PTGER3: variants seen among roughly 807,000 people sequenced by gnomAD.
PTGER3 encodes the protein prostaglandin E receptor 3.
In PTGER3, 22 loss-of-function variants were observed where a neutral mutation model predicts 34.7. That is an observed-to-expected ratio of 0.63 (90% CI 0.45 to 0.91). The LOEUF is 0.91. Ranked by LOEUF, PTGER3 falls within the 40% of genes least tolerant of loss-of-function variation. The pLI is 0.00. For missense variants in PTGER3, 468 were observed against 519.4 expected, an observed-to-expected ratio of 0.90 and a Z score of 0.96; for synonymous variants, 241 against 230.1, an observed-to-expected ratio of 1.05 and a Z score of -0.43.
chr1:70,972,383 G>A (rs1430066608), intron 3 of PTGER3, among the ~76,000 whole-genome samples: 1 of 152,050 alleles, frequency 6.6e-6, no homozygotes, highest in Non-Finnish European at 1.5e-5. Context: ...ATAGTACACA[G>A]TGCCAATTAG....
intron 2 of PTGER3, among the ~76,000 whole-genome samples, chr1:70,996,263 T>C (rs1051319347): frequency 1.3e-5 from 2 of 152,080 alleles, no homozygotes; most frequent in African/African-American, 4.8e-5. Context: ...AAGAATTAGG[T>C]TGAATAGTTA....
intron 4 of PTGER3, among the ~76,000 whole-genome samples, chr1:70,928,655 G>A (rs1572674883): frequency 6.6e-6 from 1 of 151,908 alleles, no homozygotes; most frequent in Non-Finnish European, 1.5e-5. Context: ...AACAAAAAAC[G>A]AAGGATATGC....
intron 4 of PTGER3, among the ~76,000 whole-genome samples, chr1:70,928,248 T>C (rs1016381037): frequency 1.0e-4 from 15 of 150,486 alleles, no homozygotes; most frequent in African/African-American, 3.6e-4. Flanking sequence ...GGCTGAAAAC[T>C]ACTGCCTTGT....
intron 2 of PTGER3, among the ~76,000 whole-genome samples, chr1:70,980,534 C>T (rs1445499201): frequency 1.3e-5 from 2 of 151,978 alleles, no homozygotes; most frequent in African/African-American, 4.8e-5. Context: ...GAGACCTAGG[C>T]AGGAGGATTC....
intron 1 of PTGER3, among the ~76,000 whole-genome samples, chr1:71,032,430 A>G (rs745967899): frequency 5.3e-5 from 8 of 152,258 alleles, no homozygotes; most frequent in Non-Finnish European, 1.0e-4. Context: ...CTTCAAGATG[A>G]TGTATTCAGT....
At chr1:70,996,506 A>G (rs1655953097) in intron 2 of PTGER3, among the ~76,000 whole-genome samples, 1 of 151,816 alleles carries the variant, frequency 6.6e-6, no homozygotes, top group Non-Finnish European at 1.5e-5. Context: ...TCCCTCTGTC[A>G]CCCAGGCTGA....
chr1:70,916,467 C>T (rs1230813815), intron 4 of PTGER3, among the ~76,000 whole-genome samples: 3 of 151,992 alleles, frequency 2.0e-5, no homozygotes, highest in African/African-American at 7.2e-5. Flanking sequence ...ACAGCAAAGA[C>T]ATAGAATCAA....
chr1:71,036,453 G>A (rs1659831019), intron 1 of PTGER3, among the ~76,000 whole-genome samples: 1 of 152,128 alleles, frequency 6.6e-6, no homozygotes, highest in South Asian at 2.1e-4. Context: ...ATAGTTCAAG[G>A]CTGCAGTGAG....
chr1:70,876,086 A>G (rs750400074), intron 4 of PTGER3, among the ~76,000 whole-genome samples: 171 of 151,974 alleles, frequency 1.1e-3, no homozygotes, highest in Non-Finnish European at 1.7e-3. Flanking sequence ...TTTCTCCACA[A>G]CCTTGCCAGC....
At chr1:70,990,992 T>A (rs910613397) in intron 2 of PTGER3, among the ~76,000 whole-genome samples, 1 of 152,212 alleles carries the variant, frequency 6.6e-6, no homozygotes, top group Non-Finnish European at 1.5e-5. Context: ...AGAACTGCCT[T>A]CTGAACGTCA....
At chr1:71,008,216 G>T (rs1657135930) in intron 2 of PTGER3, 2 of 944,574 alleles carry the variant, frequency 2.1e-6, no homozygotes, top group African/African-American at 1.8e-5. Context: ...GTAGATATCT[G>T]GGTTGCTTAT....
At chr1:70,871,111 G>T (rs1204612965) in intron 4 of PTGER3, among the ~76,000 whole-genome samples, 2 of 152,066 alleles carry the variant, frequency 1.3e-5, no homozygotes, top group Non-Finnish European at 2.9e-5. Context: ...TTAAAAAAAG[G>T]TTCAGTTGGT....
downstream of PTGER3, among the ~76,000 whole-genome samples, chr1:70,969,610 A>C (rs144471857): frequency 6.6e-6 from 1 of 152,202 alleles, no homozygotes; most frequent in African/African-American, 2.4e-5. Flanking sequence ...GTAAGGAAAA[A>C]ACAAAAATAC....
At chr1:70,898,003 A>T (rs550191982) in intron 4 of PTGER3, among the ~76,000 whole-genome samples, 1 of 113,406 alleles carries the variant, frequency 8.8e-6, no homozygotes, top group South Asian at 4.4e-4. Flanking sequence ...TCACTGATTT[A>T]AAAAAAAAAG....
intron 2 of PTGER3, chr1:71,009,946 C>T (rs1413237978): frequency 1.0e-6 from 1 of 985,052 alleles, no homozygotes; most frequent in Non-Finnish European, 1.2e-6. Flanking sequence ...ATTTTCATTT[C>T]TTATCAGGTT....
At chr1:70,922,799 T>C (rs1006364357) in intron 4 of PTGER3, among the ~76,000 whole-genome samples, 3 of 152,210 alleles carry the variant, frequency 2.0e-5, no homozygotes, top group Non-Finnish European at 4.4e-5. Flanking sequence ...GGTTAAAAGA[T>C]TGTTTTAAGT....
chr1:71,018,844 T>C (rs1226553919), intron 1 of PTGER3, among the ~76,000 whole-genome samples: 1 of 152,170 alleles, frequency 6.6e-6, no homozygotes, highest in Non-Finnish European at 1.5e-5. Context: ...ACACTGTAAT[T>C]TCCTATTGAG....
rs748532585 is a variant in PTGER3 at position 70,971,752 on chromosome 1, A to G, written c.1170-19T>C. ...TCATTATCTGTTAGAATAGAGAGAG[A>G]AAGATGCAATAAGCATGGATGGGGA... On this transcript the variant is annotated intron_variant, in intron 3 of 3. Transcript: ENST00000306666. 12 of 1,504,462 alleles carry G rather than the reference A, an allele frequency of 8.0e-6. No individual in the cohort carries two copies. The highest frequency in any genetic ancestry group is 2.8e-5 in the African/African-American group (2 of 71,512). 93.2% of individuals were successfully genotyped at this position (1,504,462 alleles called of 1,614,324 possible).
At chr1:70,970,075 CAG>C (rs925452624), downstream of PTGER3, among the ~76,000 whole-genome samples, 21 of 152,242 alleles carry the variant, frequency 1.4e-4, no homozygotes, top group African/African-American at 4.8e-4. Context: ...GTCTTGTAAA[CAG>C]AATATCACTG....
Sources: allele counts gnomAD v4.1 joint callset (sites outside exome capture counted in the v4.1 genomes callset), GRCh38; gene constraint gnomAD v4.1.1; transcripts MANE v1.5; gene names NCBI Gene and HGNC (gene_info 2026-07-23, HGNC 2026-07-21).